RPS24: variants seen among roughly 807,000 people sequenced by gnomAD.
RPS24 encodes ribosomal protein S24, also known as small ribosomal subunit protein eS24.
For synonymous variants in RPS24, 72 were observed against 55.6 expected, an observed-to-expected ratio of 1.30 and a Z score of -1.31; for missense variants, 100 against 162.5, an observed-to-expected ratio of 0.62 and a Z score of 2.09.
chr10:78,040,531 A>C (rs1025268127), intron 5 of RPS24, 84 bp from the exon 6 acceptor site: 2 of 956,894 alleles, frequency 2.1e-6, no homozygotes, highest in Non-Finnish European at 3.4e-6. Flanking sequence ...ATTGTTGTGC[A>C]TGAGTGTTAC....
At chr10:78,039,820 C>T (rs184649217) in intron 4 of RPS24, 4 of 277,650 alleles carry the variant, frequency 1.4e-5, no homozygotes, top group Non-Finnish European at 2.1e-5. Context: ...TAATGATTCT[C>T]GTAACTGTTC....
chr10:78,047,662 C>T (rs1020660671), intron 4 of RPS24, among the ~76,000 whole-genome samples: 1 of 152,192 alleles, frequency 6.6e-6, no homozygotes, highest in Non-Finnish European at 1.5e-5. Flanking sequence ...GGGCTTTCTG[C>T]TGTTCATATG....
chr10:78,044,490 A>G (rs1848021494), downstream of RPS24, among the ~76,000 whole-genome samples: 2 of 152,180 alleles, frequency 1.3e-5, no homozygotes, highest in African/African-American at 4.8e-5. Context: ...TTTCAAAAAT[A>G]GTCTTCAGGT....
chr10:78,038,630 TG>T (rs1847928324), intron 4 of RPS24: 2 of 152,056 alleles, frequency 1.3e-5, no homozygotes, highest in South Asian at 4.1e-4. Flanking sequence ...CACAAGCACT[TG>T]GTTAGAATGG....
chr10:78,050,866 C>G (rs930683731), intron 4 of RPS24, among the ~76,000 whole-genome samples: 2 of 152,176 alleles, frequency 1.3e-5, no homozygotes, highest in Non-Finnish European at 2.9e-5. Flanking sequence ...CCCACCACAC[C>G]TATTCATTTT....
At chr10:78,043,846 T>G (rs556384555), downstream of RPS24, among the ~76,000 whole-genome samples, 13 of 152,168 alleles carry the variant, frequency 8.5e-5, no homozygotes, top group Non-Finnish European at 1.8e-4. Context: ...AACTGCAGTC[T>G]GGAAAATTAT....
chr10:78,042,166 T>C (rs545464252), downstream of RPS24, among the ~76,000 whole-genome samples: 24 of 152,340 alleles, frequency 1.6e-4, no homozygotes, highest in African/African-American at 5.5e-4. Context: ...ACCTTCCTGT[T>C]TGATAACAAT....
At chr10:78,054,515 C>T in intron 4 of RPS24, 1 of 1,520,244 alleles carries the variant, frequency 6.6e-7, no homozygotes. Flanking sequence ...CTATTCTCTC[C>T]TTCCCGCTTT....
At chr10:78,037,647 T>C (rs1393490067) in intron 4 of RPS24, 3 of 328,396 alleles carry the variant, frequency 9.1e-6, no homozygotes, top group South Asian at 2.7e-5. Flanking sequence ...TCCCATTCCC[T>C]GTGATTTTAC....
At chr10:78,040,979 T>C (rs988413903), downstream of RPS24, among the ~76,000 whole-genome samples, 3 of 152,026 alleles carry the variant, frequency 2.0e-5, no homozygotes, top group Non-Finnish European at 4.4e-5. Flanking sequence ...TGATTACACT[T>C]AAGCCCAGGA....
rs113572877 is a variant in RPS24 at position 78,050,224 on chromosome 10, C to G, written c.391-4307C>G. 6.9e-3 allele frequency among the ~76,000 whole-genome samples: 1,043 copies of G among 152,236 alleles called. 7 individuals carry two copies. The highest frequency in any genetic ancestry group is 0.024 in the African/African-American group (981 of 41,536). ...CTTTCTGCCCCATGGCTGCCACAAC[C>G]AGGATTTTATTGCTCCCCATTCCAA... On this transcript the variant is annotated intron_variant, in intron 4 of 4. Coordinates refer to the RPS24 transcript ENST00000440692.
rs141004459 is a variant in RPS24, at chr10:78,055,430, C to T, written c.*420C>T. 101 of 164,848 alleles carry T rather than the reference C, an allele frequency of 6.1e-4. 2 individuals are homozygous for T. Among genetic ancestry groups the T allele is most frequent in the Middle Eastern group, 2.9e-3 (1 of 344 alleles). 10.2% of individuals were successfully genotyped at this position (164,848 alleles called of 1,614,324 possible). A position where few individuals can be genotyped will look rare whatever the true frequency, so the allele number is the denominator to read the frequency against. On this transcript the variant is annotated 3_prime_UTR_variant, in exon 5 of 5. Coordinates refer to the RPS24 transcript ENST00000440692. ...TATACCCCTGGCGCCCAGAACAATG[C>T]CTTGGACACAGTACGCAGTAGACTA...
At chr10:78,054,297 C>T (rs1848129507) in intron 4 of RPS24, among the ~76,000 whole-genome samples, 1 of 152,102 alleles carries the variant, frequency 6.6e-6, no homozygotes. Context: ...TTGTCTACTC[C>T]AGACTATGCT....
intron 3 of RPS24, 37 bp from the exon 4 acceptor site, chr10:78,037,156 GT>G: frequency 6.4e-7 from 1 of 1,572,836 alleles, no homozygotes; most frequent in Non-Finnish European, 8.6e-7. Flanking sequence ...TGATTTTAAT[GT>G]TTACAAGTCA....
intron 4 of RPS24, chr10:78,037,902 C>CTTTTTTTTTTTTTTTTTTTTTTTTTTTT (rs55902139): frequency 2.9e-5 from 11 of 379,922 alleles, no homozygotes; most frequent in South Asian, 5.2e-5. Context: ...GTTCTGTGAA[C>CTTTTTTTTTTTTTTTTTTTTTTTTTTTT]TTTTTTTTTT....
At chr10:78,050,691 T>A (rs561938331) in intron 4 of RPS24, among the ~76,000 whole-genome samples, 7 of 152,312 alleles carry the variant, frequency 4.6e-5, no homozygotes, top group Non-Finnish European at 1.5e-5. Flanking sequence ...GCTCGTTGCA[T>A]CCTCGAACTC....
downstream of RPS24, among the ~76,000 whole-genome samples, chr10:78,045,284 G>T (rs917259775): frequency 6.6e-6 from 1 of 152,102 alleles, no homozygotes; most frequent in African/African-American, 2.4e-5. Flanking sequence ...ACCGCGCCTG[G>T]CCCCAAGTAT....
chr10:78,037,127 C>T, intron 3 of RPS24, 67 bp from the exon 4 acceptor site: 2 of 1,550,242 alleles, frequency 1.3e-6, no homozygotes, highest in Admixed American at 2.0e-5. Context: ...GTCAGTTTCC[C>T]TACCAGAGTG....
At chr10:78,034,086 G>A in intron 1 of RPS24, 182 bp downstream of exon 1, 2 of 740,320 alleles carry the variant, frequency 2.7e-6, no homozygotes, top group South Asian at 1.5e-5. Flanking sequence ...GGCGGGCTGC[G>A]CTGTAGACCC....
Sources: allele counts gnomAD v4.1 joint callset (sites outside exome capture counted in the v4.1 genomes callset), GRCh38; gene constraint gnomAD v4.1.1; transcripts MANE v1.5; gene names NCBI Gene and HGNC (gene_info 2026-07-23, HGNC 2026-07-21).